CCDC110: variants seen among roughly 807,000 people sequenced by gnomAD.
CCDC110 encodes the protein coiled-coil domain-containing protein 110.
Under a neutral mutation model 77.1 loss-of-function variants are expected in CCDC110, and 70 were observed. That is an observed-to-expected ratio of 0.91 (90% CI 0.75 to 1.11). The LOEUF is 1.11. Ranked by LOEUF, CCDC110 falls within the 50% of genes least tolerant of loss-of-function variation. CCDC110 has a pLI of 0.00. For missense variants in CCDC110, 868 were observed against 942.9 expected, an observed-to-expected ratio of 0.92 and a Z score of 1.04; for synonymous variants, 295 against 312.5, an observed-to-expected ratio of 0.94 and a Z score of 0.59.
chr4:185,464,958 G>A (rs76140225), intron 2 of CCDC110, among the ~76,000 whole-genome samples: 21 of 152,176 alleles, frequency 1.4e-4, no homozygotes, highest in Non-Finnish European at 3.1e-4. Context: ...CAGTTCTATT[G>A]TATTCATTGT....
At position 185,458,596 on chromosome 4, in the gene CCDC110, T is replaced by C; in HGVS notation, c.1991A>G (p.Asn664Ser). The change falls in exon 6 of 7, where the codon AAT becomes AGT. Residue 664 changes from asparagine to serine, a missense_variant. Coordinates refer to ENST00000307588, the MANE Select transcript of CCDC110 (RefSeq NM_152775.4). The stretch of plus-strand genomic sequence containing the variant: ...GGCAGTAGATTGGTAGGTTTGAATA[T>C]TCTCAATTTCTCTTTCCATAATTTG... ...ARQIMEREIE[N>S]IQTYQSTAEE... 1 of 1,608,120 alleles carries C rather than the reference T, an allele frequency of 6.2e-7. No individual in the cohort carries two copies. The highest frequency in any genetic ancestry group is 8.5e-7 in the Non-Finnish European group (1 of 1,179,670).
At chr4:185,455,744 A>G (rs1188989488) in intron 6 of CCDC110, among the ~76,000 whole-genome samples, 1 of 152,004 alleles carries the variant, frequency 6.6e-6, no homozygotes, top group East Asian at 1.9e-4. Flanking sequence ...TTAGCCGGGC[A>G]TGGTAGTAGG....
In CCDC110 at chr4:185,459,331, G is replaced by A; in HGVS notation, c.1256C>T (p.Ser419Phe). The change falls in exon 6 of 7, where the codon TCC becomes TTC. Residue 419 changes from serine (S) to phenylalanine (F), a missense_variant. Ser to Phe is a radical substitution (Grantham distance 155, BLOSUM62 -2). Transcript: ENST00000307588. ...SENEKTSKVN[S>F]VTEQCVAKIQ... ...TTTTGCAACACACTGCTCAGTAACG[G>A]AATTAACTTTGGAAGTTTTCTCATT... is the stretch of plus-strand genomic sequence containing the variant. 1 of 1,612,302 alleles carries A rather than the reference G, an allele frequency of 6.2e-7. No homozygotes were observed. The highest frequency in any genetic ancestry group is 1.1e-5 in the South Asian group (1 of 90,730).
rs747046746 is a variant in CCDC110 at position 185,459,587 on chromosome 4, C to T, written c.1000G>A (p.Val334Met). The T allele has an allele frequency of 6.2e-7, 1 of 1,613,104 alleles. No homozygotes were observed. Among genetic ancestry groups the T allele is most frequent in the African/African-American group, 1.3e-5 (1 of 74,916 alleles). Residue 334 changes from valine to methionine, a missense_variant, in exon 6 of 7, where the codon GTG (valine) becomes ATG (methionine). By Grantham distance (21) the Val-to-Met change is conservative. Coordinates refer to ENST00000307588, the MANE Select transcript of CCDC110 (RefSeq NM_152775.4). The stretch of plus-strand genomic sequence containing the variant: ...TTTTTACATTTTCTACAAAAATGCA[C>T]ATGGAATTTTGACACAGTTTCCCTG... ...PFRETVSKFH[V>M]HFCRKCKKLS...
In CCDC110 at chr4:185,445,261, A is replaced by G. The variant is rs1449819020; in HGVS notation, c.*241T>C. 2 of 830,412 alleles carry G rather than the reference A, an allele frequency of 2.4e-6. No individual in the cohort carries two copies. Among genetic ancestry groups the G allele is most frequent in the African/African-American group, 3.4e-5 (2 of 58,176 alleles). 51.4% of individuals were successfully genotyped at this position (830,412 alleles called of 1,614,324 possible). A position where few individuals can be genotyped will look rare whatever the true frequency, so the allele number is the denominator to read the frequency against. On this transcript the variant is annotated 3_prime_UTR_variant, in exon 7 of 7. Coordinates refer to ENST00000307588, the MANE Select transcript of CCDC110 (RefSeq NM_152775.4). ...AAATGTGGGTGACTTTAGACATCTC[A>G]GCTCCTTCCATGTACAGGTACCTGC...
rs184909842 is a variant in CCDC110, at chr4:185,446,328, A to G, written c.2462-786T>C. ...GAATTCTTTTGGGAAAGAAGACTTC[A>G]TAGTAAGTTGATACTGTCTTAAAAC... is the stretch of plus-strand genomic sequence containing the variant. On this transcript the variant is annotated intron_variant, in intron 6 of 6. Coordinates refer to ENST00000307588, the MANE Select transcript of CCDC110 (RefSeq NM_152775.4). 1.2e-3 allele frequency among the ~76,000 whole-genome samples: 186 copies of G among 152,350 alleles called. 1 individual carries two copies. The highest frequency in any genetic ancestry group is 3.9e-3 in the African/African-American group (163 of 41,584).
intron 6 of CCDC110, among the ~76,000 whole-genome samples, chr4:185,446,394 C>T (rs1369146299): frequency 1.3e-5 from 2 of 152,120 alleles, no homozygotes; most frequent in South Asian, 4.1e-4. Flanking sequence ...GGTGTTCATA[C>T]TTGTACTACT....
intron 6 of CCDC110, chr4:185,452,371 A>G (rs934247326): frequency 1.0e-6 from 1 of 985,330 alleles, no homozygotes; most frequent in Non-Finnish European, 1.2e-6. Flanking sequence ...TCAAGGCTCA[A>G]ATCTGAAACA....
At chr4:185,452,726 C>T (rs760630600) in intron 6 of CCDC110, among the ~76,000 whole-genome samples, 1 of 152,000 alleles carries the variant, frequency 6.6e-6, no homozygotes, top group Non-Finnish European at 1.5e-5. Context: ...GAAATACTGT[C>T]TTTACCAAAA....
chr4:185,471,562 G>A (rs1433374933), intron 1 of CCDC110, 112 bp downstream of exon 1: 1 of 1,231,396 alleles, frequency 8.1e-7, no homozygotes, highest in Non-Finnish European at 1.1e-6. Flanking sequence ...AGTGCAGAAG[G>A]GCGGACCCGG....
Position 185,461,090 on chromosome 4 carries a change from C to T in CCDC110, c.307G>A (p.Glu103Lys). 6.2e-7 allele frequency: 1 copy of T among 1,602,382 alleles called. No homozygotes were observed. The highest frequency in any genetic ancestry group is 1.1e-5 in the South Asian group (1 of 88,810). ...IEVENPQFSS[E>K]KNLVFGTRIE... ...CGCGTGCCAAACACCAGATTTTTTT[C>T]TGAGCTAAATTGTGGGTTTTCTACT... is the stretch of plus-strand genomic sequence containing the variant. The change falls in exon 5 of 7, where the codon GAA becomes AAA. Residue 103 changes from glutamate (E) to lysine (K), a missense_variant. By Grantham distance (56) the Glu-to-Lys change is moderately conservative. Transcript: ENST00000307588.
At chr4:185,457,283 G>C (rs1375880344) in intron 6 of CCDC110, 1 of 456,208 alleles carries the variant, frequency 2.2e-6, no homozygotes, top group Non-Finnish European at 4.4e-6. Context: ...GGAAGCTAGA[G>C]ATTGTGTTTC....
chr4:185,464,910 G>A (rs1374490224), intron 2 of CCDC110, among the ~76,000 whole-genome samples: 1 of 152,098 alleles, frequency 6.6e-6, no homozygotes. Context: ...AACATGAAAA[G>A]AATTAAAGAT....
At chr4:185,469,070 G>A (rs1222182967) in intron 2 of CCDC110, among the ~76,000 whole-genome samples, 1 of 152,154 alleles carries the variant, frequency 6.6e-6, no homozygotes, top group East Asian at 1.9e-4. Context: ...TTCCAATAAG[G>A]GTTAATTAGG....
At chr4:185,463,270 A>C (rs897045084) in intron 2 of CCDC110, among the ~76,000 whole-genome samples, 1 of 152,180 alleles carries the variant, frequency 6.6e-6, no homozygotes, top group Admixed American at 6.5e-5. Flanking sequence ...TTTAGAGTAC[A>C]CCGTTAATTT....
At chr4:185,467,807 G>T (rs764639331) in intron 2 of CCDC110, among the ~76,000 whole-genome samples, 8 of 152,166 alleles carry the variant, frequency 5.3e-5, no homozygotes, top group Middle Eastern at 3.2e-3. Flanking sequence ...AAGATGTCAG[G>T]CTCTCTGCAA....
Position 185,465,483 on chromosome 4 carries a change from A to T in CCDC110, c.116-2434T>A, listed in dbSNP as rs539688680. Among the ~76,000 whole-genome samples the T allele has an allele frequency of 9.2e-5, 14 of 152,322 alleles. No individual in the cohort carries two copies. In the South Asian group the frequency reaches 2.9e-3, roughly 32 times the overall value. ...TTGGCCTCACCGTGATTGCACTGTT[A>T]CTAAGCAGCTTAGTGGACCCATGGG... On this transcript the variant is annotated intron_variant, in intron 2 of 6. Transcript: ENST00000307588.
chr4:185,455,222 T>G (rs528112200), intron 6 of CCDC110, among the ~76,000 whole-genome samples: 1 of 152,336 alleles, frequency 6.6e-6, no homozygotes, highest in East Asian at 1.9e-4. Flanking sequence ...GTAACCATAA[T>G]TCAAACAGTT....
In CCDC110 at chr4:185,471,727, C is replaced by T. The variant is rs770041397; in HGVS notation, c.-44G>A. 3 of 1,514,146 alleles carry T rather than the reference C, an allele frequency of 2.0e-6. No individual in the cohort carries two copies. The highest frequency in any genetic ancestry group is 2.9e-5 in the East Asian group (1 of 34,968). 93.8% of individuals were successfully genotyped at this position (1,514,146 alleles called of 1,614,324 possible). ...TCGCAACCGCCGCCGCACGCACCCG[C>T]TCCGCCGCCCCGCGCAGGGCATCCT... On this transcript the variant is annotated 5_prime_UTR_variant, in exon 1 of 7. Transcript: ENST00000307588.
Sources: allele counts gnomAD v4.1 joint callset (sites outside exome capture counted in the v4.1 genomes callset), GRCh38; gene constraint gnomAD v4.1.1; transcripts MANE v1.5; gene names NCBI Gene and HGNC (gene_info 2026-07-23, HGNC 2026-07-21).